The following FAM107B variants were observed in gnomAD, a reference collection of about 807,000 sequenced individuals.
FAM107B encodes the protein protein FAM107B.
A neutral mutation model predicts 31.5 loss-of-function variants in FAM107B; 21 were observed. The observed-to-expected ratio is 0.67, with a 90% CI of 0.47 to 0.96. The LOEUF is 0.96. Among genes scored for constraint, FAM107B ranks in the 40% least tolerant of loss-of-function variants. The pLI is 0.00. For synonymous variants in FAM107B, 157 were observed against 141.5 expected (o/e 1.11, Z -0.78); for missense variants, 452 against 377.1 (o/e 1.20, Z -1.64).
At position 14,521,193 on chromosome 10, in the gene FAM107B, G is replaced by A; in HGVS notation, c.918C>T (p.Ser306=). 1 of 1,613,764 alleles carries A rather than the reference G, an allele frequency of 6.2e-7. No individual in the cohort carries two copies. Among genetic ancestry groups the A allele is most frequent in the South Asian group, 1.1e-5 (1 of 91,060 alleles). The change falls in exon 5 of 5, where the codon TCC becomes TCT. Residue 306 remains serine (S), a synonymous_variant. Coordinates refer to ENST00000181796, the MANE Select transcript of FAM107B (RefSeq NM_031453.4). ...TGQEVAQAQE[S] is the part of the protein sequence containing the mutation. ...GAGGTCTTGGTGCAGCCTCAGCCTAGGACTCCTGGGCTTGGGCGACTTCTT... is the reference window on the plus strand; with the variant it reads ...GAGGTCTTGGTGCAGCCTCAGCCTAAGACTCCTGGGCTTGGGCGACTTCTT...
chr10:14,681,668 C>T (rs944774957), intron 1 of FAM107B, among the ~76,000 whole-genome samples: 13 of 152,056 alleles, frequency 8.5e-5, no homozygotes, highest in Admixed American at 6.6e-5. Context: ...GGATGGAGGA[C>T]GTGGGTGCTA....
Position 14,669,605 on chromosome 10 carries a change from T to C in FAM107B, c.412-1914A>G, listed in dbSNP as rs1854495447. Among the ~76,000 whole-genome samples, 3 of 152,278 alleles carry C rather than the reference T, an allele frequency of 2.0e-5. No homozygotes were observed. In the South Asian group the frequency reaches 6.2e-4, roughly 32 times the overall value. On this transcript the variant is annotated intron_variant, in intron 1 of 4. Transcript: ENST00000181796. ...TGAAACTCTGTCATTTGCAGCAACA[T>C]GGATGAAACTGGAAGTTATTAAATG...
chr10:14,748,479 T>C (rs948241596), intron 1 of FAM107B, among the ~76,000 whole-genome samples: 5 of 152,260 alleles, frequency 3.3e-5, no homozygotes, highest in Non-Finnish European at 7.3e-5. Flanking sequence ...TTCCTGTATC[T>C]GTGGCATTAG....
chr10:14,719,460 C>T (rs1376172761), intron 1 of FAM107B, among the ~76,000 whole-genome samples: 3 of 152,026 alleles, frequency 2.0e-5, no homozygotes, highest in African/African-American at 7.3e-5. Flanking sequence ...GTTCTTTCAA[C>T]GAACATAAAT....
intron 1 of FAM107B, among the ~76,000 whole-genome samples, chr10:14,670,694 C>G (rs545962817): frequency 6.6e-6 from 1 of 152,316 alleles, no homozygotes; most frequent in South Asian, 2.1e-4. Context: ...ATTTATTACT[C>G]CATCTTAAAT....
chr10:14,675,367 G>C (rs12261703), intron 1 of FAM107B, among the ~76,000 whole-genome samples: 5,172 of 152,112 alleles, frequency 0.034, 286 homozygotes, highest in African/African-American at 0.12. Context: ...TCTCTCAACT[G>C]GTCTCTGACT....
At chr10:14,707,547 C>A (rs1258527492) in intron 1 of FAM107B, among the ~76,000 whole-genome samples, 2 of 152,282 alleles carry the variant, frequency 1.3e-5, no homozygotes, top group East Asian at 3.9e-4. Flanking sequence ...AGAAAAGGCC[C>A]TTCTCCCACT....
At chr10:14,707,881 G>A (rs1438336153) in intron 1 of FAM107B, among the ~76,000 whole-genome samples, 2 of 152,086 alleles carry the variant, frequency 1.3e-5, no homozygotes, top group Non-Finnish European at 2.9e-5. Context: ...TTGTGAAGGA[G>A]ACACCAAGCT....
intron 2 of FAM107B, among the ~76,000 whole-genome samples, chr10:14,611,917 C>T (rs186379510): frequency 6.6e-6 from 1 of 152,086 alleles, no homozygotes; most frequent in East Asian, 1.9e-4. Context: ...TATTTATATC[C>T]TCATACATAT....
At chr10:14,534,725 T>C (rs1316279712) in intron 2 of FAM107B, 1 of 152,182 alleles carries the variant, frequency 6.6e-6, no homozygotes, top group Non-Finnish European at 1.5e-5. Context: ...CCTTCCCAAA[T>C]TCTATGGGAT....
At chr10:14,609,211 A>C (rs1669647839) in intron 2 of FAM107B, among the ~76,000 whole-genome samples, 1 of 152,190 alleles carries the variant, frequency 6.6e-6, no homozygotes, top group Admixed American at 6.5e-5. Flanking sequence ...GCTGCATAAC[A>C]TCTTACCATA....
intron 1 of FAM107B, among the ~76,000 whole-genome samples, chr10:14,725,783 C>T (rs1856018527): frequency 6.8e-6 from 1 of 147,448 alleles, no homozygotes; most frequent in Admixed American, 6.8e-5. Context: ...GTTAAGGCTT[C>T]AACATATGAA....
At position 14,565,313 on chromosome 10, in the gene FAM107B, C is replaced by G. The variant is rs576941916; in HGVS notation, c.470-34798G>C. Among the ~76,000 whole-genome samples, 4 of 152,172 alleles carry G rather than the reference C, an allele frequency of 2.6e-5. No homozygotes were observed. In the South Asian group the frequency reaches 8.3e-4, roughly 32 times the overall value. On this transcript the variant is annotated intron_variant, in intron 2 of 4. Coordinates refer to ENST00000181796, the MANE Select transcript of FAM107B (RefSeq NM_031453.4). ...AGCCGAGGTCACCATGAGAACAGACCACAGAAGTCCAGGGAGAGCATTTGA... is the reference window on the plus strand; with the variant it reads ...AGCCGAGGTCACCATGAGAACAGACGACAGAAGTCCAGGGAGAGCATTTGA...
At chr10:14,552,561 G>GC (rs1253035871) in intron 2 of FAM107B, among the ~76,000 whole-genome samples, 3 of 152,122 alleles carry the variant, frequency 2.0e-5, no homozygotes, top group African/African-American at 7.2e-5. Flanking sequence ...TTTTGGCCAG[G>GC]CGTGGTAGCT....
intron 2 of FAM107B, among the ~76,000 whole-genome samples, chr10:14,565,931 C>G (rs533206302): frequency 6.6e-6 from 1 of 152,314 alleles, no homozygotes; most frequent in Admixed American, 6.5e-5. Context: ...CAAGCAGGAA[C>G]ACAACCAGAG....
intron 3 of FAM107B, among the ~76,000 whole-genome samples, chr10:14,527,666 G>A (rs1846439586): frequency 6.6e-6 from 1 of 152,238 alleles, no homozygotes; most frequent in Non-Finnish European, 1.5e-5. Flanking sequence ...ATTAGAAAGA[G>A]CACCAGATGA....
intron 2 of FAM107B, among the ~76,000 whole-genome samples, chr10:14,581,082 C>T (rs1851619333): frequency 6.6e-6 from 1 of 152,208 alleles, no homozygotes; most frequent in Non-Finnish European, 1.5e-5. Flanking sequence ...TAGGTTCTAG[C>T]GGCCGGGCCA....
chr10:14,738,726 G>A (rs1384845415), intron 1 of FAM107B, among the ~76,000 whole-genome samples: 1 of 152,162 alleles, frequency 6.6e-6, no homozygotes, highest in African/African-American at 2.4e-5. Context: ...CCTGGCCTCA[G>A]GAAGGTAAGG....
chr10:14,692,028 C>A (rs1855150132), intron 1 of FAM107B, among the ~76,000 whole-genome samples: 1 of 152,082 alleles, frequency 6.6e-6, no homozygotes, highest in South Asian at 2.1e-4. Context: ...TGACCATGAC[C>A]AAACGGTGTT....
Sources: gnomAD v4.1 joint callset for allele counts (sites outside exome capture counted in the v4.1 genomes callset) on GRCh38, gnomAD v4.1.1 for gene constraint, MANE v1.5 for transcripts, NCBI Gene and HGNC (gene_info 2026-07-23, HGNC 2026-07-21) for gene names.